COL19A1: variants seen among roughly 807,000 people sequenced by gnomAD.
COL19A1 encodes the protein collagen type XIX alpha 1 chain.
COL19A1 carries 159 observed loss-of-function variants against 190.2 expected under a neutral mutation model. The observed-to-expected ratio is 0.84, with a 90% CI of 0.73 to 0.95. The LOEUF (loss-of-function observed/expected upper bound fraction) is 0.95. COL19A1 is among the 40% of genes least tolerant of loss of function. COL19A1 has a pLI of 0.00. For synonymous variants in COL19A1, 509 were observed against 458.9 expected (o/e 1.11, Z -1.39); for missense variants, 1,418 against 1,431.9 (o/e 0.99, Z 0.16).
At chr6:69,948,357 T>C (rs546483242) in intron 9 of COL19A1, among the ~76,000 whole-genome samples, 2 of 151,992 alleles carry the variant, frequency 1.3e-5, no homozygotes, top group Non-Finnish European at 2.9e-5. Context: ...AAACAGAATT[T>C]ATCAAGGTTG....
intron 13 of COL19A1, 143 bp downstream of exon 13, chr6:70,034,441 G>A (rs1008899303): frequency 4.8e-6 from 3 of 628,876 alleles, no homozygotes; most frequent in Non-Finnish European, 8.7e-6. Flanking sequence ...ATCTGAATAA[G>A]AACAGCCTTT....
chr6:69,949,104 A>G (rs1055292232), intron 9 of COL19A1, among the ~76,000 whole-genome samples: 2 of 151,824 alleles, frequency 1.3e-5, no homozygotes, highest in African/African-American at 4.8e-5. Flanking sequence ...GGTCTAATTT[A>G]CTTGAGTTAC....
intron 16 of COL19A1, among the ~76,000 whole-genome samples, chr6:70,109,354 T>C (rs1328289004): frequency 6.6e-6 from 1 of 152,048 alleles, no homozygotes; most frequent in Non-Finnish European, 1.5e-5. Flanking sequence ...GCAAAGAGCT[T>C]CAGGTGGGGA....
intron 4 of COL19A1, among the ~76,000 whole-genome samples, chr6:69,923,766 T>C (rs1772160670): frequency 6.6e-6 from 1 of 152,092 alleles, no homozygotes; most frequent in East Asian, 1.9e-4. Flanking sequence ...TTGGCAAAAC[T>C]CCAAGCTCTG....
chr6:70,113,700 T>C (rs1007317744), intron 16 of COL19A1, among the ~76,000 whole-genome samples: 1 of 152,110 alleles, frequency 6.6e-6, no homozygotes, highest in Non-Finnish European at 1.5e-5. Context: ...ACTCTGATCT[T>C]TCTTTCTCCT....
intron 34 of COL19A1, 79 bp downstream of exon 34, chr6:70,156,802 TTC>T: frequency 8.7e-7 from 1 of 1,143,382 alleles, no homozygotes; most frequent in Non-Finnish European, 1.3e-6. Flanking sequence ...ATGTTAATTT[TTC>T]TATAGCTCAG....
intron 11 of COL19A1, among the ~76,000 whole-genome samples, chr6:69,989,293 C>T (rs999289453): frequency 2.6e-4 from 40 of 152,286 alleles, no homozygotes; most frequent in Non-Finnish European, 4.1e-4. Context: ...ACTTGCCCTT[C>T]GTGGTTTCTA....
intron 11 of COL19A1, among the ~76,000 whole-genome samples, chr6:69,988,678 G>A (rs1776439758): frequency 6.6e-6 from 1 of 152,114 alleles, no homozygotes; most frequent in Non-Finnish European, 1.5e-5. Context: ...TACCGTTGGA[G>A]ATTCAAAACA....
chr6:70,082,002 A>G (rs1782287303), intron 15 of COL19A1, among the ~76,000 whole-genome samples: 1 of 152,178 alleles, frequency 6.6e-6, no homozygotes, highest in African/African-American at 2.4e-5. Flanking sequence ...TCATAGCTTT[A>G]CAACAGTTAT....
At chr6:69,931,636 C>T (rs551847085) in intron 6 of COL19A1, among the ~76,000 whole-genome samples, 25 of 152,132 alleles carry the variant, frequency 1.6e-4, no homozygotes, top group South Asian at 4.1e-4. Context: ...CTATGTAAGA[C>T]GGTGTATTTA....
At position 70,207,139 on chromosome 6, in the gene COL19A1, G is replaced by T. The variant is rs1181228626; in HGVS notation, c.3302-8G>T. 2 of 1,609,436 alleles carry T rather than the reference G, an allele frequency of 1.2e-6. No homozygotes were observed. The highest frequency in any genetic ancestry group is 1.7e-5 in the Admixed American group (1 of 58,680). ...ATCTGCATTGTAATTTTTTTTTTATGTCGTTAGCTCTGGGTTTGCCAGGCT... is the reference window on the plus strand; with the variant it reads ...ATCTGCATTGTAATTTTTTTTTTATTTCGTTAGCTCTGGGTTTGCCAGGCT... On this transcript the variant is annotated splice_region_variant and splice_polypyrimidine_tract_variant and intron_variant, in intron 50 of 50. Coordinates refer to ENST00000620364, the MANE Select transcript of COL19A1 (RefSeq NM_001858.6).
intron 9 of COL19A1, among the ~76,000 whole-genome samples, chr6:69,946,349 T>G (rs769085665): frequency 9.9e-5 from 15 of 152,034 alleles, no homozygotes; most frequent in Non-Finnish European, 2.1e-4. Flanking sequence ...ATTGTTGTGG[T>G]ATGGCTACAG....
intron 11 of COL19A1, among the ~76,000 whole-genome samples, chr6:70,004,394 A>G (rs1357313115): frequency 1.3e-5 from 2 of 152,038 alleles, no homozygotes; most frequent in Non-Finnish European, 2.9e-5. Flanking sequence ...CATTCTCTGT[A>G]TTTCCTGAAT....
rs751012564 is a variant in COL19A1, at chr6:70,188,149, G to A, written c.2931G>A (p.Gly977=). The A allele has an allele frequency of 3.1e-6, 5 of 1,613,996 alleles. No individual in the cohort carries two copies. The highest frequency in any genetic ancestry group is 1.3e-5 in the African/African-American group (1 of 75,044). The change falls in exon 47 of 51, where the codon GGG becomes GGA. Residue 977 remains glycine (G), a synonymous_variant. Coordinates refer to ENST00000620364, the MANE Select transcript of COL19A1 (RefSeq NM_001858.6). ...AACCAGGCCTTACAGGCATGAAGGGGGCCATCGGTCCTATGGGTCCACCAG... is the reference window on the plus strand; with the variant it reads ...AACCAGGCCTTACAGGCATGAAGGGAGCCATCGGTCCTATGGGTCCACCAG... The part of the protein sequence containing the change: ...RGKPGLTGMK[G]AIGPMGPPGN...
At chr6:69,900,948 A>G (rs1488442194) in intron 4 of COL19A1, among the ~76,000 whole-genome samples, 1 of 152,194 alleles carries the variant, frequency 6.6e-6, no homozygotes, top group Non-Finnish European at 1.5e-5. Context: ...CCATTCAAAT[A>G]GTGACAATTG....
chr6:69,936,886 C>T lies in COL19A1; in HGVS notation c.849C>T (p.Asp283=). The change falls in exon 8 of 51, where the codon GAC becomes GAT. Residue 283 remains aspartate (D), a synonymous_variant. Transcript: ENST00000620364. The part of the protein sequence containing the change: ...SYLPAKQELK[D]QCQCIPNKGE... ...TGCCAGCAAAGCAGGAACTTAAAGA[C>T]CAGTGCCAGTGCATTCCAAACAAGG... 1 of 1,613,040 alleles carries T rather than the reference C, an allele frequency of 6.2e-7. No individual in the cohort carries two copies. Among genetic ancestry groups the T allele is most frequent in the Non-Finnish European group, 8.5e-7 (1 of 1,179,226 alleles).
In COL19A1 at chr6:70,102,241, G is replaced by A; in HGVS notation, c.1278+19G>A. On this transcript the variant is annotated intron_variant, in intron 16 of 50. Transcript: ENST00000620364. ...ACCACCTGTGAGTAAACAATACAAT[G>A]ACTGTCCCTTTAAAGAGTCTGTCTT... 6.4e-7 allele frequency: 1 copy of A among 1,567,076 alleles called. No individual in the cohort carries two copies. The highest frequency in any genetic ancestry group is 8.8e-7 in the Non-Finnish European group (1 of 1,137,228).
In COL19A1 at chr6:69,931,212, G is replaced by A. The variant is rs543850504; in HGVS notation, c.666+1512G>A. ...TCACCTATCCCACCTGTGTATTTTT[G>A]TGAGAAAGTGACAAAACTGATATGA... On this transcript the variant is annotated intron_variant, in intron 6 of 50. Transcript: ENST00000620364. Among the ~76,000 whole-genome samples, 4 of 152,162 alleles carry A rather than the reference G, an allele frequency of 2.6e-5. No homozygotes were observed. The South Asian group carries it at 8.3e-4, about 32-fold the overall frequency.
intron 30 of COL19A1, among the ~76,000 whole-genome samples, chr6:70,150,927 T>G (rs76909323): frequency 0.016 from 2,463 of 152,298 alleles, 22 homozygotes; most frequent in Non-Finnish European, 0.024. Context: ...TGCCTATCAC[T>G]TAAGCCAACT....
Sources: allele counts gnomAD v4.1 joint callset (sites outside exome capture counted in the v4.1 genomes callset), GRCh38; gene constraint gnomAD v4.1.1; transcripts MANE v1.5; gene names NCBI Gene and HGNC (gene_info 2026-07-23, HGNC 2026-07-21).